AGAP1: variants seen among roughly 807,000 people sequenced by gnomAD.
The protein encoded by AGAP1 is ArfGAP with GTPase domain, ankyrin repeat and PH domain 1, also known as arf-GAP with GTPase, ANK repeat and PH domain-containing protein 1.
AGAP1 carries 29 observed loss-of-function variants against 105.3 expected under a neutral mutation model. The ratio of observed to expected loss-of-function variants is 0.28; its 90% confidence interval spans 0.21 to 0.38. The LOEUF (loss-of-function observed/expected upper bound fraction) is 0.38, where lower values mean the gene tolerates loss of function less well. Among genes scored for constraint, AGAP1 ranks in the 10% least tolerant of loss-of-function variants. The pLI, the probability that AGAP1 is intolerant of heterozygous loss-of-function variation, is 1.00. For synonymous variants in AGAP1, 509 were observed against 485.9 expected (o/e 1.05, Z -0.63); for missense variants, 998 against 1,165.1 (o/e 0.86, Z 2.09).
At position 235,741,760 on chromosome 2, in the gene AGAP1, TA is replaced by T. The variant is rs1404558061; in HGVS notation, c.396+713del. Among the ~76,000 whole-genome samples the T allele has an allele frequency of 2.3e-4, 35 of 149,652 alleles. No individual in the cohort carries two copies. Among genetic ancestry groups the T allele is most frequent in the Admixed American group, 7.3e-4 (11 of 15,130 alleles). On this transcript the variant is annotated intron_variant, in intron 4 of 17. Coordinates refer to ENST00000304032, the MANE Select transcript of AGAP1 (RefSeq NM_001037131.3). This position sits in a 1 kb window ranked among gnomAD's most constrained non-coding sequence, Gnocchi z 4.9. The stretch of plus-strand genomic sequence containing the variant: ...TTATTGTTATTTTTTATTATTTATT[TA>T]TTTTTTTTTTTTGAGACAGTCTCGC...
chr2:235,658,936 G>A (rs965995925), intron 1 of AGAP1, among the ~76,000 whole-genome samples: 2 of 152,142 alleles, frequency 1.3e-5, no homozygotes, highest in Admixed American at 6.5e-5. Flanking sequence ...CTTTTAGCAC[G>A]TTGCTTTTCT....
In AGAP1 at chr2:235,640,373, G is replaced by C. The variant is rs183352861; in HGVS notation, c.164-68806G>C. On this transcript the variant is annotated intron_variant, in intron 1 of 17. Transcript: ENST00000304032. Reference sequence around the variant, plus strand: ...GCTGTTCCTTCCAGCAGAAATTCAAGGGTCCAGGGAGGCTGGCCCAACCCA... The same window carrying C: ...GCTGTTCCTTCCAGCAGAAATTCAACGGTCCAGGGAGGCTGGCCCAACCCA... Among the ~76,000 whole-genome samples the C allele has an allele frequency of 1.0e-3, 154 of 152,344 alleles. 1 individual carries two copies. Among genetic ancestry groups the C allele is most frequent in the Non-Finnish European group, 1.2e-3 (79 of 68,034 alleles).
At chr2:235,536,668 C>T (rs1559231749) in intron 1 of AGAP1, among the ~76,000 whole-genome samples, 1 of 149,598 alleles carries the variant, frequency 6.7e-6, no homozygotes, top group African/African-American at 2.5e-5. Flanking sequence ...CACACACACA[C>T]ACACACACAC....
At chr2:235,899,382 A>C (rs188913815) in intron 10 of AGAP1, among the ~76,000 whole-genome samples, 1 of 152,132 alleles carries the variant, frequency 6.6e-6, no homozygotes, top group South Asian at 2.1e-4. Context: ...GCATGGTTGC[A>C]GGCGCCTGTA....
intron 13 of AGAP1, among the ~76,000 whole-genome samples, chr2:236,023,455 G>A (rs932037408): frequency 1.3e-5 from 2 of 152,168 alleles, no homozygotes; most frequent in African/African-American, 4.8e-5. Flanking sequence ...AACCCATAGC[G>A]AAAACTCACT....
chr2:235,947,355 T>G (rs2053544985), intron 12 of AGAP1, among the ~76,000 whole-genome samples: 1 of 152,224 alleles, frequency 6.6e-6, no homozygotes, highest in Non-Finnish European at 1.5e-5. Flanking sequence ...TTACTTCACT[T>G]AGAATAATGG....
In AGAP1 at chr2:235,754,115, G is replaced by A. The variant is rs551455999; in HGVS notation, c.673+3627G>A. ...AGCCTGGACTGGATCCCCCATCTTG[G>A]GACCTGAGAGCCTCGACTTAACCAC... On this transcript the variant is annotated intron_variant, in intron 6 of 17. Transcript: ENST00000304032. The surrounding 1 kb of genome is among the most constrained non-coding windows in gnomAD (Gnocchi z 4.6). 4.6e-5 allele frequency among the ~76,000 whole-genome samples: 7 copies of A among 152,256 alleles called. No individual in the cohort carries two copies. The South Asian group carries it at 1.2e-3, about 27-fold the overall frequency.
intron 1 of AGAP1, among the ~76,000 whole-genome samples, chr2:235,654,249 G>A (rs902375537): frequency 4.6e-5 from 7 of 152,188 alleles, no homozygotes; most frequent in Admixed American, 1.3e-4. Flanking sequence ...TTAGTGTAGC[G>A]TGGGTGTTTG....
chr2:235,845,879 C>T lies in AGAP1; in HGVS notation c.1051-37466C>T, dbSNP rs1158130077. On this transcript the variant is annotated intron_variant, in intron 9 of 17. Coordinates refer to ENST00000304032, the MANE Select transcript of AGAP1 (RefSeq NM_001037131.3). This position sits in a 1 kb window ranked among gnomAD's most constrained non-coding sequence, Gnocchi z 4.8. ...GGCCTCCTCACTGGTTTCCAACCTT[C>T]AGTCTGTAGCCCTCAGATATGCCCT... Among the ~76,000 whole-genome samples the T allele has an allele frequency of 1.3e-5, 2 of 152,078 alleles. No homozygotes were observed. Among genetic ancestry groups the T allele is most frequent in the Non-Finnish European group, 2.9e-5 (2 of 68,024 alleles).
At chr2:235,797,484 C>G (rs1189396749) in intron 6 of AGAP1, among the ~76,000 whole-genome samples, 4 of 151,046 alleles carry the variant, frequency 2.6e-5, no homozygotes, top group Non-Finnish European at 4.4e-5. Context: ...CAGGAAGATC[C>G]TTAAAAGCTG....
intron 1 of AGAP1, among the ~76,000 whole-genome samples, chr2:235,518,457 T>G (rs115849507): frequency 2.1e-3 from 322 of 152,344 alleles, no homozygotes; most frequent in African/African-American, 7.4e-3. Context: ...TTTGTGATGA[T>G]GCGTGTGCCC....
At chr2:235,510,863 A>G (rs555123706) in intron 1 of AGAP1, among the ~76,000 whole-genome samples, 1 of 151,984 alleles carries the variant, frequency 6.6e-6, no homozygotes. Context: ...ACTGAAGACC[A>G]CCTTAGAAGG....
intron 17 of AGAP1, among the ~76,000 whole-genome samples, chr2:236,122,472 C>T (rs923331502): frequency 4.6e-5 from 7 of 152,166 alleles, no homozygotes; most frequent in Admixed American, 6.5e-5. Context: ...TGGTTCCATG[C>T]TGTTGAGTGG....
rs2057704516 is a variant in AGAP1 at position 236,045,959 on chromosome 2, A to G, written c.1892-3100A>G. The G allele has an allele frequency of 2.1e-6, 1 of 471,554 alleles. No individual in the cohort carries two copies. The highest frequency in any genetic ancestry group is 2.0e-5 in the African/African-American group (1 of 50,046). The allele number at this position is 471,554 out of a possible 1,614,324, so 29.2% of individuals were successfully genotyped here. On this transcript the variant is annotated intron_variant, in intron 15 of 17. Coordinates refer to ENST00000304032, the MANE Select transcript of AGAP1 (RefSeq NM_001037131.3). This position sits in a 1 kb window ranked among gnomAD's most constrained non-coding sequence, Gnocchi z 6.9. The stretch of plus-strand genomic sequence containing the variant: ...GGTTTCAGAGAATTCGGAGTCCGGC[A>G]CAGGAATGTGTCCCACGCATGAATG...
intron 5 of AGAP1, among the ~76,000 whole-genome samples, chr2:235,749,266 T>G (rs1323360600): frequency 6.6e-6 from 1 of 151,860 alleles, no homozygotes; most frequent in East Asian, 1.9e-4. Flanking sequence ...CCCTAAGCCC[T>G]GTGGCTGTTC....
rs901689120 is a variant in AGAP1 at position 235,967,323 on chromosome 2, C to G, written c.1484-1139C>G. Among the ~76,000 whole-genome samples the G allele has an allele frequency of 1.3e-5, 2 of 152,148 alleles. No individual in the cohort carries two copies. The highest frequency in any genetic ancestry group is 4.8e-5 in the African/African-American group (2 of 41,428). ...CCCAGCTACCCTATTTTAAATGACA[C>G]CCCCCATCACTGCCGCCTCTCCCCA... On this transcript the variant is annotated intron_variant, in intron 12 of 17. Coordinates refer to ENST00000304032, the MANE Select transcript of AGAP1 (RefSeq NM_001037131.3). The surrounding 1 kb of genome is among the most constrained non-coding windows in gnomAD (Gnocchi z 4.7).
chr2:235,855,944 C>T lies in AGAP1; in HGVS notation c.1051-27401C>T, dbSNP rs376840894. Among the ~76,000 whole-genome samples the T allele has an allele frequency of 6.6e-6, 1 of 151,932 alleles. No homozygotes were observed. Among genetic ancestry groups the T allele is most frequent in the African/African-American group, 2.4e-5 (1 of 41,362 alleles). On this transcript the variant is annotated intron_variant, in intron 9 of 17. Transcript: ENST00000304032. This position sits in a 1 kb window ranked among gnomAD's most constrained non-coding sequence, Gnocchi z 5.0. ...ATTATTTTCTTTTGAGATGGAGTCT[C>T]GCTCTGTCACCCAGGCTGGAGTGCA... is the stretch of plus-strand genomic sequence containing the variant.
chr2:235,650,551 A>G (rs926110293), intron 1 of AGAP1, among the ~76,000 whole-genome samples: 1 of 152,008 alleles, frequency 6.6e-6, no homozygotes, highest in Non-Finnish European at 1.5e-5. Context: ...AGAAGTAAAC[A>G]TAGAAAACAT....
At chr2:235,999,101 AGGTGGT>A (rs774372086) in intron 13 of AGAP1, among the ~76,000 whole-genome samples, 1 of 137,524 alleles carries the variant, frequency 7.3e-6, no homozygotes, top group Non-Finnish European at 1.6e-5. Flanking sequence ...TGATGGTGAG[AGGTGGT>A]GGTGGTGGTG....
Sources: gnomAD v4.1 joint callset for allele counts (sites outside exome capture counted in the v4.1 genomes callset) on GRCh38, gnomAD v4.1.1 for gene constraint, Gnocchi (gnomAD v3.1) non-coding constraint, MANE v1.5 for transcripts, NCBI Gene and HGNC (gene_info 2026-07-23, HGNC 2026-07-21) for gene names.